VAV3: variants seen among roughly 807,000 people sequenced by gnomAD.
VAV3 encodes guanine nucleotide exchange factor VAV3.
VAV3 carries 94 observed loss-of-function variants against 131.2 expected under a neutral mutation model. The ratio of observed to expected loss-of-function variants is 0.72; its 90% confidence interval spans 0.61 to 0.85. The LOEUF (loss-of-function observed/expected upper bound fraction) is 0.85. Ranked by LOEUF, VAV3 falls within the 40% of genes least tolerant of loss-of-function variation. The pLI is 0.00. For missense variants in VAV3, 939 were observed against 1,002.7 expected, an observed-to-expected ratio of 0.94 and a Z score of 0.86; for synonymous variants, 349 against 342.0, an observed-to-expected ratio of 1.02 and a Z score of -0.22.
At chr1:107,863,806 G>A in intron 2 of VAV3, among the ~76,000 whole-genome samples, 1 of 152,148 alleles carries the variant, frequency 6.6e-6, no homozygotes, top group East Asian at 1.9e-4. Flanking sequence ...CCTTGAAACA[G>A]CAAAGAGAAG....
chr1:107,909,874 T>C (rs1490014434), intron 1 of VAV3, among the ~76,000 whole-genome samples: 1 of 152,204 alleles, frequency 6.6e-6, no homozygotes, highest in Non-Finnish European at 1.5e-5. Context: ...AATAATATTT[T>C]CTTTCAACTA....
intron 9 of VAV3, among the ~76,000 whole-genome samples, chr1:107,762,024 C>T (rs1434212129): frequency 6.7e-6 from 1 of 150,002 alleles, no homozygotes. Flanking sequence ...AAAGAATGAA[C>T]TTAAAGCCAA....
chr1:107,731,485 T>C (rs1011221248), intron 15 of VAV3, among the ~76,000 whole-genome samples: 8 of 152,206 alleles, frequency 5.3e-5, no homozygotes, highest in African/African-American at 1.9e-4. Context: ...TCTGAAAGAT[T>C]TCCAGGTAAG....
At chr1:107,576,378 T>C (rs1251110949) in intron 25 of VAV3, 4 of 1,493,838 alleles carry the variant, frequency 2.7e-6, no homozygotes, top group African/African-American at 1.4e-5. Context: ...CAAATAAAAG[T>C]AGTAAAGCAG....
chr1:107,755,369 C>T, intron 12 of VAV3, 58 bp downstream of exon 12: 3 of 1,265,744 alleles, frequency 2.4e-6, no homozygotes, highest in Non-Finnish European at 3.5e-6. Flanking sequence ...AACAACAACT[C>T]CTAGAATGTC....
At chr1:107,795,639 T>C (rs138585083) in intron 2 of VAV3, among the ~76,000 whole-genome samples, 2 of 152,220 alleles carry the variant, frequency 1.3e-5, no homozygotes, top group Non-Finnish European at 2.9e-5. Context: ...GATAACAACC[T>C]GAATCAAGAG....
At chr1:107,742,408 C>A (rs776946151) in intron 15 of VAV3, among the ~76,000 whole-genome samples, 4 of 152,168 alleles carry the variant, frequency 2.6e-5, no homozygotes, top group Non-Finnish European at 5.9e-5. Flanking sequence ...CTAATGGCAA[C>A]CCCATATTCC....
intron 21 of VAV3, among the ~76,000 whole-genome samples, chr1:107,613,719 T>G (rs1298771040): frequency 6.6e-6 from 1 of 152,176 alleles, no homozygotes; most frequent in Non-Finnish European, 1.5e-5. Context: ...TGGATTGATT[T>G]AATGATTTCA....
At chr1:107,656,664 A>C (rs1212235380) in intron 19 of VAV3, among the ~76,000 whole-genome samples, 1 of 152,118 alleles carries the variant, frequency 6.6e-6, no homozygotes, top group Non-Finnish European at 1.5e-5. Context: ...ATCCCAATGA[A>C]CCCTGATGTG....
intron 19 of VAV3, among the ~76,000 whole-genome samples, chr1:107,650,705 C>A: frequency 1.0e-5 from 1 of 99,816 alleles, no homozygotes. Context: ...GCTATCCCTC[C>A]CCCCCCTCCC....
intron 1 of VAV3, among the ~76,000 whole-genome samples, chr1:107,927,901 T>C (rs1024732561): frequency 6.6e-6 from 1 of 152,104 alleles, no homozygotes; most frequent in Admixed American, 6.5e-5. Context: ...CACCTGCTGA[T>C]GGTAGGACAC....
intron 1 of VAV3, among the ~76,000 whole-genome samples, chr1:107,942,316 G>A (rs1011667476): frequency 2.0e-5 from 3 of 152,176 alleles, no homozygotes; most frequent in Non-Finnish European, 4.4e-5. Context: ...CGAGAAGACA[G>A]CAGTTGCATT....
At chr1:107,922,969 A>G (rs1271478337) in intron 1 of VAV3, among the ~76,000 whole-genome samples, 2 of 151,716 alleles carry the variant, frequency 1.3e-5, no homozygotes, top group African/African-American at 2.4e-5. Flanking sequence ...AAAAAGAAAA[A>G]AAAAAAAAAG....
At chr1:107,873,505 G>A (rs2101016379) in intron 2 of VAV3, among the ~76,000 whole-genome samples, 1 of 152,126 alleles carries the variant, frequency 6.6e-6, no homozygotes, top group South Asian at 2.1e-4. Context: ...CAGGCGGAAG[G>A]ATAAAAGAAA....
At chr1:107,735,271 G>A (rs1349310637) in intron 15 of VAV3, among the ~76,000 whole-genome samples, 2 of 152,040 alleles carry the variant, frequency 1.3e-5, no homozygotes, top group Admixed American at 6.6e-5. Flanking sequence ...ATCTAAAATC[G>A]ACACCCTAAC....
intron 2 of VAV3, among the ~76,000 whole-genome samples, chr1:107,843,020 G>T (rs1227755436): frequency 6.6e-6 from 1 of 152,134 alleles, no homozygotes; most frequent in Non-Finnish European, 1.5e-5. Context: ...CAGACAGAGA[G>T]AATGCTATTT....
chr1:107,846,997 T>C (rs777881937), intron 2 of VAV3, among the ~76,000 whole-genome samples: 1 of 152,154 alleles, frequency 6.6e-6, no homozygotes, highest in Non-Finnish European at 1.5e-5. Flanking sequence ...ATTGCACTTA[T>C]TCTAAATTGA....
intron 2 of VAV3, among the ~76,000 whole-genome samples, chr1:107,852,480 T>C (rs926648631): frequency 6.6e-6 from 1 of 152,204 alleles, no homozygotes; most frequent in African/African-American, 2.4e-5. Context: ...GGCTTACATA[T>C]ATAATCTTAA....
intron 19 of VAV3, among the ~76,000 whole-genome samples, chr1:107,655,796 G>A (rs142863968): frequency 2.6e-3 from 392 of 152,206 alleles, no homozygotes; most frequent in Non-Finnish European, 4.3e-3. Flanking sequence ...CTAAAGATCT[G>A]AGTAGACATT....
Sources: allele counts gnomAD v4.1 joint callset (sites outside exome capture counted in the v4.1 genomes callset), GRCh38; gene constraint gnomAD v4.1.1; transcripts MANE v1.5; gene names NCBI Gene and HGNC (gene_info 2026-07-23, HGNC 2026-07-21).